CWC22: variants seen among roughly 807,000 people sequenced by gnomAD.
CWC22 encodes pre-mRNA-splicing factor CWC22 homolog.
A neutral mutation model predicts 117.2 loss-of-function variants in CWC22; 53 were observed. That is an observed-to-expected ratio of 0.45 (90% CI 0.36 to 0.57). The LOEUF (loss-of-function observed/expected upper bound fraction) is 0.57. CWC22 is among the 20% of genes least tolerant of loss of function. The pLI, the probability that CWC22 is intolerant of heterozygous loss-of-function variation, is 0.00. For synonymous variants in CWC22, 360 were observed against 355.6 expected (o/e 1.01, Z -0.14); for missense variants, 980 against 1,068.8 (o/e 0.92, Z 1.16).
At chr2:179,982,028 A>C (rs1559294025) in intron 4 of CWC22, 31 bp from the exon 5 acceptor site, 5 of 1,232,822 alleles carry the variant, frequency 4.1e-6, no homozygotes, top group African/African-American at 1.5e-5. Flanking sequence ...AGAGCAGAAA[A>C]GACAATATAA....
chr2:179,972,704 T>TTAA (rs1687061571), intron 8 of CWC22, among the ~76,000 whole-genome samples: 1 of 152,186 alleles, frequency 6.6e-6, no homozygotes, highest in African/African-American at 2.4e-5. Context: ...ATCAAAGTGT[T>TTAA]ATATTAAAGA....
chr2:179,993,445 C>T lies in CWC22; in HGVS notation c.-104G>A. The T allele has an allele frequency of 4.0e-6, 3 of 751,728 alleles. No individual in the cohort carries two copies. The highest frequency in any genetic ancestry group is 7.0e-6 in the Non-Finnish European group (3 of 430,400). The allele number at this position is 751,728 out of a possible 1,614,324, so 46.6% of individuals were successfully genotyped here. Reference sequence around the variant, plus strand: ...CTTGACAGTTTACTTTTTCTGTCTGCAAACATCACCTATAAAATATACCAA... The same window carrying T: ...CTTGACAGTTTACTTTTTCTGTCTGTAAACATCACCTATAAAATATACCAA... On this transcript the variant is annotated 5_prime_UTR_variant, in exon 2 of 20. Transcript: ENST00000410053.
intron 1 of CWC22, among the ~76,000 whole-genome samples, chr2:179,997,406 C>G (rs72962575): frequency 0.089 from 13,492 of 152,136 alleles, 712 homozygotes; most frequent in Non-Finnish European, 0.13. Flanking sequence ...AGGCTACCCC[C>G]TCCCTCACCT....
intron 2 of CWC22, among the ~76,000 whole-genome samples, chr2:179,990,949 C>T (rs145067532): frequency 6.6e-6 from 1 of 152,214 alleles, no homozygotes; most frequent in Non-Finnish European, 1.5e-5. Context: ...TAGGATTTCA[C>T]CAAGTTAAGA....
chr2:179,977,515 A>T (rs554972518), intron 6 of CWC22, among the ~76,000 whole-genome samples: 5 of 152,228 alleles, frequency 3.3e-5, no homozygotes, highest in Non-Finnish European at 7.3e-5. Context: ...AATCTAAAAA[A>T]AACTGAACTC....
intron 1 of CWC22, among the ~76,000 whole-genome samples, chr2:179,996,397 A>G (rs1687699663): frequency 6.6e-6 from 1 of 152,204 alleles, no homozygotes; most frequent in Non-Finnish European, 1.5e-5. Context: ...ACTGAAAAAT[A>G]TATGAAATAA....
intron 13 of CWC22, 75 bp downstream of exon 13, chr2:179,964,472 A>T: frequency 1.3e-6 from 1 of 753,450 alleles, no homozygotes; most frequent in South Asian, 1.8e-5. Context: ...ATGAGACCCT[A>T]AAATGTATCC....
chr2:179,963,373 C>T (rs1352025840), intron 13 of CWC22, among the ~76,000 whole-genome samples: 7 of 106,752 alleles, frequency 6.6e-5, no homozygotes, highest in Admixed American at 4.5e-4. Context: ...GACGGAGTCT[C>T]GCTCTGTCGC....
intron 1 of CWC22, among the ~76,000 whole-genome samples, chr2:179,997,690 C>T (rs184739962): frequency 5.9e-5 from 9 of 152,278 alleles, no homozygotes; most frequent in Non-Finnish European, 7.4e-5. Context: ...GTTATTTATA[C>T]GTACATTTGT....
chr2:179,980,680 T>C (rs111969731), intron 5 of CWC22, among the ~76,000 whole-genome samples: 315 of 152,254 alleles, frequency 2.1e-3, no homozygotes, highest in African/African-American at 7.0e-3. Flanking sequence ...ACGTTTCTAC[T>C]TCAAGCTAAT....
At chr2:179,983,235 C>T (rs539924360) in intron 4 of CWC22, among the ~76,000 whole-genome samples, 14 of 152,064 alleles carry the variant, frequency 9.2e-5, no homozygotes, top group East Asian at 1.9e-4. Flanking sequence ...AGCTGTTTTT[C>T]GTGATCCTCT....
rs779096870 is a variant in CWC22, at chr2:179,950,533, T to C, written c.2119A>G (p.Ser707Gly). ...SSEESDSSSI[S>G]SHSSASANDV... ...ATACCTGAGGCAGAGCTATGACTAC[T>C]GATGGATGAAGAGTCGCTCTCTTCA... Residue 707 changes from serine (S) to glycine (G), a missense_variant, in exon 19 of 20, where the codon AGT (serine) becomes GGT (glycine). By Grantham distance (56) the Ser-to-Gly change is moderately conservative. Transcript: ENST00000410053. 2 of 1,611,222 alleles carry C rather than the reference T, an allele frequency of 1.2e-6. No individual in the cohort carries two copies. The highest frequency in any genetic ancestry group is 8.5e-7 in the Non-Finnish European group (1 of 1,178,190).
At position 180,005,322 on chromosome 2, in the gene CWC22, A is replaced by G. The variant is rs1483846118; in HGVS notation, c.-114+1545T>C. Among the ~76,000 whole-genome samples, 3 of 152,334 alleles carry G rather than the reference A, an allele frequency of 2.0e-5. No homozygotes were observed. In the South Asian group the frequency reaches 6.2e-4, roughly 32 times the overall value. The stretch of plus-strand genomic sequence containing the variant: ...GCCGGGAGCGGTGGCTCACGCCTGT[A>G]ATCCCAGCACTTTGGGAGGCCGAGG... On this transcript the variant is annotated intron_variant, in intron 1 of 19. Coordinates refer to ENST00000410053, the MANE Select transcript of CWC22 (RefSeq NM_020943.3).
chr2:179,963,640 C>A (rs1265638796), intron 13 of CWC22, among the ~76,000 whole-genome samples: 1 of 152,048 alleles, frequency 6.6e-6, no homozygotes, highest in African/African-American at 2.4e-5. Flanking sequence ...CCGCGCCCGG[C>A]CATATTTAAT....
At chr2:179,953,608 G>A (rs1171380278) in intron 16 of CWC22, among the ~76,000 whole-genome samples, 2 of 152,036 alleles carry the variant, frequency 1.3e-5, no homozygotes, top group Non-Finnish European at 2.9e-5. Context: ...AACACTGGTT[G>A]AAAAACAGCT....
intron 1 of CWC22, among the ~76,000 whole-genome samples, chr2:180,005,748 T>G (rs186502442): frequency 2.1e-4 from 32 of 152,370 alleles, no homozygotes; most frequent in Non-Finnish European, 5.9e-5. Flanking sequence ...GTGCCTCATC[T>G]GCATTATTTT....
chr2:179,974,636 A>T (rs978579146), intron 6 of CWC22, among the ~76,000 whole-genome samples: 1 of 152,216 alleles, frequency 6.6e-6, no homozygotes, highest in East Asian at 1.9e-4. Context: ...TTCTAAGTCT[A>T]CTTTTTTTCT....
intron 8 of CWC22, among the ~76,000 whole-genome samples, chr2:179,972,618 A>T (rs889312859): frequency 8.5e-5 from 13 of 152,218 alleles, no homozygotes; most frequent in African/African-American, 2.9e-4. Flanking sequence ...CTTCAAAGGA[A>T]TGGTTTGCAG....
Position 179,965,996 on chromosome 2 carries a change from A to G in CWC22, c.1211-14T>C. ...CATCAAGAATTTCTGTAAAGTACAA[A>G]GTAAGTTTAGGAAAAAAATGTGCAA... On this transcript the variant is annotated splice_polypyrimidine_tract_variant and intron_variant, in intron 11 of 19. Coordinates refer to ENST00000410053, the MANE Select transcript of CWC22 (RefSeq NM_020943.3). The G allele has an allele frequency of 3.8e-6, 6 of 1,596,956 alleles. No individual in the cohort carries two copies. Among genetic ancestry groups the G allele is most frequent in the Non-Finnish European group, 4.3e-6 (5 of 1,171,748 alleles).
Sources: gnomAD v4.1 joint callset for allele counts (sites outside exome capture counted in the v4.1 genomes callset) on GRCh38, gnomAD v4.1.1 for gene constraint, MANE v1.5 for transcripts, NCBI Gene and HGNC (gene_info 2026-07-23, HGNC 2026-07-21) for gene names.